The following FYB2 variants were observed in gnomAD, a reference collection of about 807,000 sequenced individuals.
The protein encoded by FYB2 is FYN-binding protein 2.
FYB2 carries 103 observed loss-of-function variants against 94.1 expected under a neutral mutation model. The observed-to-expected ratio is 1.09, with a 90% CI of 0.93 to 1.29. FYB2 has a LOEUF of 1.29. Among genes scored for constraint, FYB2 ranks in the 50% most tolerant of loss-of-function variants. The pLI is 0.00. For missense variants in FYB2, 896 were observed against 841.5 expected (o/e 1.06, Z -0.80); for synonymous variants, 293 against 287.9 (o/e 1.02, Z -0.18).
At chr1:56,754,963 G>T (rs576411541) in intron 7 of FYB2, among the ~76,000 whole-genome samples, 43 of 152,184 alleles carry the variant, frequency 2.8e-4, no homozygotes, top group African/African-American at 1.0e-3. Context: ...GGAGAGAGAG[G>T]AAGGTAGCCC....
intron 5 of FYB2, 134 bp downstream of exon 5, chr1:56,767,695 A>AG: frequency 1.4e-6 from 1 of 689,922 alleles, no homozygotes; most frequent in East Asian, 3.0e-5. Flanking sequence ...GAAAAAAAAA[A>AG]GAAAAAGAAA....
At chr1:56,752,483 GGAGTGGATTATCCT>G (rs1233829426) in intron 8 of FYB2, among the ~76,000 whole-genome samples, 1 of 151,998 alleles carries the variant, frequency 6.6e-6, no homozygotes, top group Admixed American at 6.6e-5. Context: ...ATAGACATAA[GGAGTGGATTATCCT>G]GAGTTTTGGG....
chr1:56,767,970 A>G, intron 4 of FYB2, 32 bp from the exon 5 acceptor site: 1 of 1,453,910 alleles, frequency 6.9e-7, no homozygotes, highest in African/African-American at 1.4e-5. Context: ...AAAATGTAAC[A>G]TTTTTAAAAA....
chr1:56,812,817 G>C (rs1471111404), intron 1 of FYB2, among the ~76,000 whole-genome samples: 1 of 152,210 alleles, frequency 6.6e-6, no homozygotes, highest in Non-Finnish European at 1.5e-5. Context: ...GTTGATGGGG[G>C]AAGAGTAGTG....
At chr1:56,769,583 A>C (rs1187869867) in intron 4 of FYB2, among the ~76,000 whole-genome samples, 1 of 152,264 alleles carries the variant, frequency 6.6e-6, no homozygotes, top group East Asian at 1.9e-4. Context: ...GGGCTATGAA[A>C]ATTATTCTCA....
chr1:56,803,891 A>G (rs1374933864), intron 1 of FYB2, among the ~76,000 whole-genome samples: 4 of 152,172 alleles, frequency 2.6e-5, no homozygotes, highest in Non-Finnish European at 4.4e-5. Context: ...TGCTTCCACC[A>G]TCAATGGCCC....
At chr1:56,719,779 A>G in intron 19 of FYB2, 87 bp from the exon 20 acceptor site, 1 of 1,253,342 alleles carries the variant, frequency 8.0e-7, no homozygotes, top group Non-Finnish European at 1.1e-6. Flanking sequence ...TTTCTGATCT[A>G]GTTTAATATG....
intron 1 of FYB2, among the ~76,000 whole-genome samples, chr1:56,802,798 C>A (rs1646552135): frequency 6.6e-6 from 1 of 151,962 alleles, no homozygotes; most frequent in Non-Finnish European, 1.5e-5. Context: ...ACTTTCTTGT[C>A]TGCATGTGCC....
intron 1 of FYB2, among the ~76,000 whole-genome samples, chr1:56,805,286 C>T (rs7554784): frequency 0.17 from 26,404 of 152,184 alleles, 2,902 homozygotes; most frequent in Non-Finnish European, 0.24. Flanking sequence ...ATGGACGATA[C>T]GTGTCCTTTT....
intron 1 of FYB2, among the ~76,000 whole-genome samples, chr1:56,798,174 C>T (rs562412681): frequency 6.6e-6 from 1 of 152,342 alleles, no homozygotes; most frequent in African/African-American, 2.4e-5. Context: ...TCAGCAGAAT[C>T]TTAATTTTTT....
chr1:56,761,500 G>A (rs1645493585), intron 5 of FYB2, among the ~76,000 whole-genome samples: 1 of 152,152 alleles, frequency 6.6e-6, no homozygotes, highest in South Asian at 2.1e-4. Context: ...ATCTGCGAGA[G>A]TCTCCAAGAC....
chr1:56,790,011 T>C (rs1477694346), intron 2 of FYB2, among the ~76,000 whole-genome samples: 1 of 152,182 alleles, frequency 6.6e-6, no homozygotes, highest in South Asian at 2.1e-4. Context: ...TTACATATAT[T>C]TGTCCTCTGC....
At chr1:56,819,857 C>A (rs1314484747), upstream of FYB2, among the ~76,000 whole-genome samples, 1 of 152,128 alleles carries the variant, frequency 6.6e-6, no homozygotes, top group Non-Finnish European at 1.5e-5. Context: ...TTAGTGGAGG[C>A]CAGAAAAGGA....
chr1:56,798,442 C>A (rs1646449868), intron 1 of FYB2, among the ~76,000 whole-genome samples: 1 of 152,080 alleles, frequency 6.6e-6, no homozygotes, highest in Non-Finnish European at 1.5e-5. Context: ...GGAAATTAAG[C>A]AAGGAGGAAG....
intron 1 of FYB2, among the ~76,000 whole-genome samples, chr1:56,815,708 A>G (rs1156890604): frequency 1.3e-5 from 2 of 152,194 alleles, no homozygotes; most frequent in Admixed American, 6.5e-5. Context: ...CCCACCTCCT[A>G]TATTTTATAA....
At chr1:56,761,195 G>A (rs1291334794) in intron 5 of FYB2, among the ~76,000 whole-genome samples, 1 of 152,078 alleles carries the variant, frequency 6.6e-6, no homozygotes, top group East Asian at 1.9e-4. Flanking sequence ...ACACCTGGAG[G>A]TGAAATGTTT....
intron 1 of FYB2, among the ~76,000 whole-genome samples, chr1:56,797,124 T>C (rs1443774137): frequency 3.3e-5 from 5 of 151,992 alleles, no homozygotes; most frequent in African/African-American, 9.7e-5. Flanking sequence ...GCTTAAACAG[T>C]CAGCCAAGCA....
chr1:56,791,582 G>A (rs1046194332), intron 2 of FYB2, among the ~76,000 whole-genome samples: 1 of 152,100 alleles, frequency 6.6e-6, no homozygotes, highest in African/African-American at 2.4e-5. Context: ...ATAATACTAA[G>A]GTGAACCAAG....
In FYB2 at chr1:56,719,456, A is replaced by ACATTG; in HGVS notation, c.*214_*215insCAATG. On this transcript the variant is annotated 3_prime_UTR_variant, in exon 20 of 20. Transcript: ENST00000343433. ...TGAACTGACAGTGAAGTAGATACTG[A>ACATTG]AATAGACATTGAAAGATAACCTTTT... is the stretch of plus-strand genomic sequence containing the variant. The ACATTG allele has an allele frequency of 2.0e-6, 1 of 511,734 alleles. No individual in the cohort carries two copies. The highest frequency in any genetic ancestry group is 3.7e-5 in the Admixed American group (1 of 27,192). The allele number at this position is 511,734 out of a possible 1,614,324, so 31.7% of individuals were successfully genotyped here.
Sources: allele counts gnomAD v4.1 joint callset (sites outside exome capture counted in the v4.1 genomes callset), GRCh38; gene constraint gnomAD v4.1.1; transcripts MANE v1.5; gene names NCBI Gene and HGNC (gene_info 2026-07-23, HGNC 2026-07-21).